COL1A1: variants seen among roughly 807,000 people sequenced by gnomAD.
The protein encoded by COL1A1 is collagen alpha-1(I) chain.
COL1A1 carries 21 observed loss-of-function variants against 195.7 expected under a neutral mutation model. That is an observed-to-expected ratio of 0.11 (90% CI 0.08 to 0.15). The LOEUF (loss-of-function observed/expected upper bound fraction) is 0.15. Ranked by LOEUF, COL1A1 falls within the 10% of genes least tolerant of loss-of-function variation. The pLI is 1.00. For synonymous variants in COL1A1, 749 were observed against 747.3 expected, an observed-to-expected ratio of 1.00 and a Z score of -0.04; for missense variants, 1,365 against 2,051.0, an observed-to-expected ratio of 0.67 and a Z score of 6.46.
At position 50,192,679 on chromosome 17, in the gene COL1A1, C is replaced by A; in HGVS notation, c.1890G>T (p.Glu630Asp). ...AGCCAGCAGGGCCTTGTTCACCTCT[C>A]TCGCCAGCGGGACCCTGCACAGAGA... ...GPPGPAGPAG[E>D]RGEQGPAGSP... The change falls in exon 28 of 51, where the codon GAG becomes GAT. Residue 630 changes from glutamate (E) to aspartate (D), a missense_variant. Physicochemically the swap from Glu to Asp is conservative, Grantham distance 45. Coordinates refer to ENST00000225964, the MANE Select transcript of COL1A1 (RefSeq NM_000088.4). The A allele has an allele frequency of 6.2e-7, 1 of 1,614,236 alleles. No homozygotes were observed. The highest frequency in any genetic ancestry group is 8.5e-7 in the Non-Finnish European group (1 of 1,180,036).
chr17:50,200,014 C>T, intron 1 of COL1A1, 67 bp from the exon 2 acceptor site: 1 of 1,538,932 alleles, frequency 6.5e-7, no homozygotes, highest in Non-Finnish European at 9.0e-7. Context: ...ACCTTTCCCC[C>T]GGGTCTAAGA....
rs777644312 is a variant in COL1A1 at position 50,196,193 on chromosome 17, G to T, written c.964C>A (p.Arg322Ser). 6.2e-7 allele frequency: 1 copy of T among 1,614,022 alleles called. No individual in the cohort carries two copies. Among genetic ancestry groups the T allele is most frequent in the Admixed American group, 1.7e-5 (1 of 60,030 alleles). ...GCACCAGTAGCACCATCATTTCCAC[G>T]AGCACCCTGCAGGAGAGAGGGGAAG... is the stretch of plus-strand genomic sequence containing the variant. Reference protein sequence around the residue: ...RPGAPGPAGARGNDGATGAAG... With the variant: ...RPGAPGPAGASGNDGATGAAG... The change falls in exon 15 of 51, where the codon CGT becomes AGT. Residue 322 changes from arginine (R) to serine (S), a missense_variant. By Grantham distance (110) the Arg-to-Ser change is moderately radical. Coordinates refer to ENST00000225964, the MANE Select transcript of COL1A1 (RefSeq NM_000088.4).
In COL1A1 at chr17:50,190,266, C is replaced by T. The variant is rs372327842; in HGVS notation, c.2451+61G>A. 18 of 1,349,348 alleles carry T rather than the reference C, an allele frequency of 1.3e-5. No individual in the cohort carries two copies. The highest frequency in any genetic ancestry group is 4.7e-5 in the South Asian group (4 of 85,874). The allele number at this position is 1,349,348 out of a possible 1,614,324, so 83.6% of individuals were successfully genotyped here. On this transcript the variant is annotated intron_variant, in intron 35 of 50. Transcript: ENST00000225964. This position sits in a 1 kb window ranked among gnomAD's most constrained non-coding sequence, Gnocchi z 4.7. Reference sequence around the variant, plus strand: ...ATGGCTGACGCCTTTGTCCTCATTCCGTCCCTCGAGGTCCCAGGTCCCAGT... The same window carrying T: ...ATGGCTGACGCCTTTGTCCTCATTCTGTCCCTCGAGGTCCCAGGTCCCAGT...
In COL1A1 at chr17:50,190,402, T is replaced by A; in HGVS notation, c.2398-22A>T. On this transcript the variant is annotated intron_variant, in intron 34 of 50. Transcript: ENST00000225964. This position sits in a 1 kb window ranked among gnomAD's most constrained non-coding sequence, Gnocchi z 4.7. ...CTCCCTAGAAGAAAAGGAGTCAGAT[T>A]GGAGAGATGCGCTGACAGGAGGGAA... is the stretch of plus-strand genomic sequence containing the variant. The A allele has an allele frequency of 6.2e-7, 1 of 1,607,864 alleles. No individual in the cohort carries two copies. The highest frequency in any genetic ancestry group is 8.5e-7 in the Non-Finnish European group (1 of 1,175,884).
chr17:50,194,776 C>T lies in COL1A1; in HGVS notation c.1406G>A (p.Arg469Gln), dbSNP rs1325725639. 7.0e-6 allele frequency: 11 copies of T among 1,573,812 alleles called. No homozygotes were observed. Among genetic ancestry groups the T allele is most frequent in the South Asian group, 3.5e-5 (3 of 86,648 alleles). ...PPGPAGEEGK[R>Q]GARGEPGPTG... Reference sequence around the variant, plus strand: ...GGGTCCGGGTTCACCTCGAGCTCCTCGCTTTCCTTCCTCTCCAGCAGGGCC... The same window carrying T: ...GGGTCCGGGTTCACCTCGAGCTCCTTGCTTTCCTTCCTCTCCAGCAGGGCC... Residue 469 changes from arginine (R) to glutamine (Q), a missense_variant, in exon 21 of 51, where the codon CGA (arginine) becomes CAA (glutamine). Around this residue, in one of 5 missense-constraint regions of COL1A1, gnomAD observed 671 missense variants for 1,099.9 expected, o/e 0.61. Transcript: ENST00000225964. The surrounding 1 kb of genome is among the most constrained non-coding windows in gnomAD (Gnocchi z 6.8).
intron 25 of COL1A1, 36 bp downstream of exon 25, chr17:50,193,907 T>A: frequency 6.3e-7 from 1 of 1,586,692 alleles, no homozygotes; most frequent in Non-Finnish European, 8.7e-7. Context: ...GGTGTGTTTG[T>A]CCCTGGCTCT....
intron 5 of COL1A1, among the ~76,000 whole-genome samples, chr17:50,198,881 T>C (rs1348159125): frequency 6.6e-6 from 1 of 152,184 alleles, no homozygotes; most frequent in African/African-American, 2.4e-5. Context: ...GGGACATCGG[T>C]GAACTTTGAA....
chr17:50,188,306 T>C lies in COL1A1; in HGVS notation c.3208-157A>G. 1.1e-6 allele frequency: 1 copy of C among 882,956 alleles called. No individual in the cohort carries two copies. The highest frequency in any genetic ancestry group is 2.8e-5 in the Admixed American group (1 of 36,296). 54.7% of individuals were successfully genotyped at this position (882,956 alleles called of 1,614,324 possible). On this transcript the variant is annotated intron_variant, in intron 43 of 50. Transcript: ENST00000225964. This position sits in a 1 kb window ranked among gnomAD's most constrained non-coding sequence, Gnocchi z 5.6. ...CAGGGAAACCTCCCCACTGCAATCT[T>C]CACGGGAGCTGGGGCCAACTCATGG...
intron 7 of COL1A1, 23 bp from the exon 8 acceptor site, chr17:50,198,025 G>T: frequency 6.2e-7 from 1 of 1,613,638 alleles, no homozygotes; most frequent in Non-Finnish European, 8.5e-7. Flanking sequence ...GAAAAAGATG[G>T]GTTAGAAGAC....
chr17:50,191,768 C>A lies in COL1A1; in HGVS notation c.2127+20G>T. 6.4e-7 allele frequency: 1 copy of A among 1,560,212 alleles called. No individual in the cohort carries two copies. The highest frequency in any genetic ancestry group is 8.7e-7 in the Non-Finnish European group (1 of 1,151,498). The stretch of plus-strand genomic sequence containing the variant: ...TGGTCCCTGGGCCACTTGCCAGAGC[C>A]CCTTCCACGCTGCCCTCACCTTAGC... On this transcript the variant is annotated intron_variant, in intron 31 of 50. Transcript: ENST00000225964.
chr17:50,196,079 C>T, intron 15 of COL1A1, 76 bp downstream of exon 15: 1 of 1,608,714 alleles, frequency 6.2e-7, no homozygotes, highest in Non-Finnish European at 8.5e-7. Flanking sequence ...ATAACCTGCT[C>T]CCATTGTCAG....
rs775115701 is a variant in COL1A1, at chr17:50,189,188, G to A, written c.2917C>T (p.Pro973Ser). 6.2e-6 allele frequency: 10 copies of A among 1,613,128 alleles called. No homozygotes were observed. Among genetic ancestry groups the A allele is most frequent in the African/African-American group, 2.7e-5 (2 of 74,650 alleles). The change falls in exon 40 of 51, where the codon CCT becomes TCT. Residue 973 changes from proline to serine, a missense_variant. Around this residue, in one of 5 missense-constraint regions of COL1A1, gnomAD observed 671 missense variants for 1,099.9 expected, o/e 0.61. Transcript: ENST00000225964. This position sits in a 1 kb window ranked among gnomAD's most constrained non-coding sequence, Gnocchi z 5.5. The stretch of plus-strand genomic sequence containing the variant: ...CTTACAGAGGGGCCAGGAAGACCAG[G>A]GAAGCCTCTCTCTCCTCTCTGACCA... ...LPGQRGERGF[P>S]GLPGPSGEPG...
chr17:50,187,146 G>A (rs1262846052), intron 46 of COL1A1, 24 bp from the exon 47 acceptor site: 2 of 1,566,010 alleles, frequency 1.3e-6, no homozygotes, highest in Middle Eastern at 1.8e-4. Context: ...AATGGTTTGA[G>A]AAAGGCTGCC....
In COL1A1 at chr17:50,188,258, C is replaced by A; in HGVS notation, c.3208-109G>T. Reference sequence around the variant, plus strand: ...TCTCTCTCTCCTCAGCTGCTTCCCACTGTGGCCATCTCTCCCAACTCCCAG... The same window carrying A: ...TCTCTCTCTCCTCAGCTGCTTCCCAATGTGGCCATCTCTCCCAACTCCCAG... On this transcript the variant is annotated intron_variant, in intron 43 of 50. Coordinates refer to ENST00000225964, the MANE Select transcript of COL1A1 (RefSeq NM_000088.4). The surrounding 1 kb of genome is among the most constrained non-coding windows in gnomAD (Gnocchi z 5.6). 1 of 1,127,526 alleles carries A rather than the reference C, an allele frequency of 8.9e-7. No individual in the cohort carries two copies. Among genetic ancestry groups the A allele is most frequent in the South Asian group, 1.6e-5 (1 of 62,568 alleles). The allele number at this position is 1,127,526 out of a possible 1,614,324, so 69.8% of individuals were successfully genotyped here.
In COL1A1 at chr17:50,195,089, A is replaced by T; in HGVS notation, c.1311T>A (p.Gly437=). ...CAGTGTCTCCTTTGCTGCCAGGAGC[A>T]CCAGGTTCACCCTGCAAGGGGGGAG... The part of the protein sequence containing the change: ...PGPKGNSGEP[G]APGSKGDTGA... The change falls in exon 20 of 51, where the codon GGT becomes GGA. Residue 437 remains glycine (G), a synonymous_variant. Coordinates refer to ENST00000225964, the MANE Select transcript of COL1A1 (RefSeq NM_000088.4). The surrounding 1 kb of genome is among the most constrained non-coding windows in gnomAD (Gnocchi z 4.3). The T allele has an allele frequency of 6.2e-7, 1 of 1,613,784 alleles. No individual in the cohort carries two copies. The highest frequency in any genetic ancestry group is 8.5e-7 in the Non-Finnish European group (1 of 1,179,850).
rs1567753373 is a variant in COL1A1, at chr17:50,187,074, G to A, written c.3472C>T (p.Leu1158Phe). 6.2e-7 allele frequency: 1 copy of A among 1,613,564 alleles called. No individual in the cohort carries two copies. Among genetic ancestry groups the A allele is most frequent in the Non-Finnish European group, 8.5e-7 (1 of 1,179,826 alleles). ...GAPGKDGLNGLPGPIGPPGPR... is the reference protein window; with the variant it reads ...GAPGKDGLNGFPGPIGPPGPR... ...CCAGGGGGCCCAATGGGGCCAGGGA[G>A]ACCGTTGAGTCCATCTTTGCCAGGA... is the stretch of plus-strand genomic sequence containing the variant. Residue 1158 changes from leucine to phenylalanine, a missense_variant, in exon 47 of 51, where the codon CTC becomes TTC. Around this residue, in one of 5 missense-constraint regions of COL1A1, gnomAD observed 671 missense variants for 1,099.9 expected, o/e 0.61. Coordinates refer to ENST00000225964, the MANE Select transcript of COL1A1 (RefSeq NM_000088.4).
At position 50,187,856 on chromosome 17, in the gene COL1A1, G is replaced by T. The variant is rs1255761468; in HGVS notation, c.3369+20C>A. 1.3e-6 allele frequency: 2 copies of T among 1,573,256 alleles called. No homozygotes were observed. Among genetic ancestry groups the T allele is most frequent in the Non-Finnish European group, 8.7e-7 (1 of 1,155,538 alleles). ...CCCACAGCACAGCATGGGGACTGGG[G>T]AGGGGCTGAGCATACTTACAGGAGG... On this transcript the variant is annotated intron_variant, in intron 45 of 50. Transcript: ENST00000225964.
At position 50,197,263 on chromosome 17, in the gene COL1A1, T is replaced by C. The variant is rs11079898; in HGVS notation, c.697-30A>G. On this transcript the variant is annotated intron_variant, in intron 9 of 50. Transcript: ENST00000225964. ...GAGGGAGAGAAAAGACCATCATGCC[T>C]CTGCCTCCCCACCACCGCCTAGGGG... is the stretch of plus-strand genomic sequence containing the variant. 0.039 allele frequency: 63,094 copies of C among 1,610,468 alleles called. 5,606 individuals carry two copies. Among genetic ancestry groups the C allele is most frequent in the African/African-American group, 0.36 (26,774 of 74,802 alleles).
Position 50,187,428 on chromosome 17 carries a change from C to T in COL1A1, c.3423+56G>A, listed in dbSNP as rs1040962829. 22 of 1,593,784 alleles carry T rather than the reference C, an allele frequency of 1.4e-5. No homozygotes were observed. In the African/African-American group the frequency reaches 2.7e-4, roughly 19 times the overall value. ...GGTGCCTGGGTCCCTGGCAAGGGTCCCCGAGGTGAGCCTGGGCTTGGGGCT... is the reference window on the plus strand; with the variant it reads ...GGTGCCTGGGTCCCTGGCAAGGGTCTCCGAGGTGAGCCTGGGCTTGGGGCT... On this transcript the variant is annotated intron_variant, in intron 46 of 50. Coordinates refer to ENST00000225964, the MANE Select transcript of COL1A1 (RefSeq NM_000088.4).
Sources: gnomAD v4.1 joint callset for allele counts (sites outside exome capture counted in the v4.1 genomes callset) on GRCh38, gnomAD v4.1.1 for gene constraint, gnomAD v4.1.1 regional missense constraint, Gnocchi (gnomAD v3.1) non-coding constraint, MANE v1.5 for transcripts, NCBI Gene and HGNC (gene_info 2026-07-23, HGNC 2026-07-21) for gene names.